The following MYO3B variants were observed in gnomAD, a reference collection of about 807,000 sequenced individuals.
MYO3B encodes myosin IIIB, also known as myosin-IIIb.
A neutral mutation model predicts 174.6 loss-of-function variants in MYO3B; 156 were observed. That is an observed-to-expected ratio of 0.89 (90% confidence interval 0.78 to 1.02). MYO3B has a LOEUF of 1.02. MYO3B is among the 50% of genes least tolerant of loss of function. The pLI, the probability that MYO3B is intolerant of heterozygous loss-of-function variation, is 0.00. For missense variants in MYO3B, 1,632 were observed against 1,639.4 expected (o/e 1.00, Z 0.08); for synonymous variants, 563 against 569.1 (o/e 0.99, Z 0.15).
At chr2:170,461,710 T>C (rs1430374270) in intron 23 of MYO3B, among the ~76,000 whole-genome samples, 1 of 146,964 alleles carries the variant, frequency 6.8e-6, no homozygotes, top group Non-Finnish European at 1.5e-5. Context: ...TGGCAGATGG[T>C]GGTTGTAGTG....
intron 7 of MYO3B, among the ~76,000 whole-genome samples, chr2:170,238,220 T>C (rs925574146): frequency 2.6e-5 from 4 of 152,216 alleles, no homozygotes; most frequent in African/African-American, 9.6e-5. Context: ...GTGCTAAAAA[T>C]GTATCCTTTC....
intron 7 of MYO3B, among the ~76,000 whole-genome samples, chr2:170,262,683 T>C (rs2093354327): frequency 6.6e-6 from 1 of 152,124 alleles, no homozygotes; most frequent in Non-Finnish European, 1.5e-5. Flanking sequence ...CCATGGACAA[T>C]GTGTGGAAGC....
At chr2:170,375,721 GCACA>G (rs60928016) in intron 9 of MYO3B, among the ~76,000 whole-genome samples, 1 of 148,710 alleles carries the variant, frequency 6.7e-6, no homozygotes, top group African/African-American at 2.5e-5. Flanking sequence ...GTGCATGCAT[GCACA>G]CACACACACA....
chr2:170,361,309 C>G (rs1222868014), intron 8 of MYO3B, among the ~76,000 whole-genome samples: 1 of 152,094 alleles, frequency 6.6e-6, no homozygotes, highest in Non-Finnish European at 1.5e-5. Context: ...TTATCTGTGC[C>G]CTGACTGTGT....
chr2:170,586,631 A>C (rs577501762), intron 32 of MYO3B, among the ~76,000 whole-genome samples: 4 of 152,106 alleles, frequency 2.6e-5, no homozygotes, highest in Non-Finnish European at 5.9e-5. Flanking sequence ...ATTATTTTTC[A>C]TTTTCTGTGA....
chr2:170,371,596 T>C (rs925095906), intron 9 of MYO3B, among the ~76,000 whole-genome samples: 5 of 151,830 alleles, frequency 3.3e-5, no homozygotes, highest in Admixed American at 6.6e-5. Flanking sequence ...GCTGGCTACA[T>C]AGATGTTTTT....
chr2:170,500,507 C>T (rs957168262), intron 27 of MYO3B, among the ~76,000 whole-genome samples: 2 of 152,176 alleles, frequency 1.3e-5, no homozygotes, highest in Non-Finnish European at 2.9e-5. Flanking sequence ...CAGAGAAAGC[C>T]CTTCCCTGCA....
Position 170,369,208 on chromosome 2 carries a change from G to GT in MYO3B, c.816-9dup. ...AGATTGTACTTTGGATTGTTTGTTG[G>GT]TTTTTGCAAACAGGTGTCTTATTAA... On this transcript the variant is annotated splice_polypyrimidine_tract_variant and intron_variant, in intron 8 of 34. Transcript: ENST00000408978. 6.2e-7 allele frequency: 1 copy of GT among 1,610,388 alleles called. No individual in the cohort carries two copies. The highest frequency in any genetic ancestry group is 8.5e-7 in the Non-Finnish European group (1 of 1,177,456).
chr2:170,514,667 T>A (rs1055321636), intron 28 of MYO3B, among the ~76,000 whole-genome samples: 1 of 152,224 alleles, frequency 6.6e-6, no homozygotes, highest in Non-Finnish European at 1.5e-5. Flanking sequence ...AATTACCCAA[T>A]GTCATCCAGC....
intron 23 of MYO3B, among the ~76,000 whole-genome samples, chr2:170,449,238 T>C (rs1683443173): frequency 6.6e-6 from 1 of 152,206 alleles, no homozygotes; most frequent in African/African-American, 2.4e-5. Flanking sequence ...TTTGATTATT[T>C]AAAGAAAGCA....
At chr2:170,548,106 CAAAAAAAAAAAAA>C (rs10532249) in intron 32 of MYO3B, among the ~76,000 whole-genome samples, 10 of 51,686 alleles carry the variant, frequency 1.9e-4, no homozygotes, top group East Asian at 7.6e-4. Context: ...GACTCCGTCT[CAAAAAAAAAAAAA>C]AAAAAAAAAA....
intron 32 of MYO3B, among the ~76,000 whole-genome samples, chr2:170,631,414 C>G (rs1696964841): frequency 6.6e-6 from 1 of 151,928 alleles, no homozygotes; most frequent in South Asian, 2.1e-4. Flanking sequence ...AAGACCAAAT[C>G]TACATCTGAT....
At chr2:170,618,284 T>C (rs769357447) in intron 32 of MYO3B, among the ~76,000 whole-genome samples, 1 of 152,056 alleles carries the variant, frequency 6.6e-6, no homozygotes, top group Non-Finnish European at 1.5e-5. Context: ...AAAAGGAATA[T>C]AGGCCCAATA....
At chr2:170,466,445 GT>G in intron 24 of MYO3B, 60 bp from the exon 25 acceptor site, 1 of 1,526,706 alleles carries the variant, frequency 6.6e-7, no homozygotes, top group Non-Finnish European at 9.0e-7. Context: ...GCGGGCCTGT[GT>G]TGTAACTATC....
chr2:170,385,684 G>A (rs2105748384), intron 12 of MYO3B, among the ~76,000 whole-genome samples: 1 of 152,272 alleles, frequency 6.6e-6, no homozygotes, highest in Non-Finnish European at 1.5e-5. Flanking sequence ...TGCAGAATAA[G>A]GCTGCACTGA....
intron 25 of MYO3B, among the ~76,000 whole-genome samples, chr2:170,482,213 C>A (rs909921682): frequency 2.0e-5 from 3 of 151,202 alleles, no homozygotes; most frequent in Non-Finnish European, 4.4e-5. Flanking sequence ...TGGAGTGCAG[C>A]GGAGCAATCT....
intron 7 of MYO3B, among the ~76,000 whole-genome samples, chr2:170,307,779 G>A (rs964265134): frequency 2.0e-5 from 3 of 152,184 alleles, no homozygotes; most frequent in African/African-American, 7.2e-5. Flanking sequence ...GGGCAGTCAG[G>A]CAGTCACATT....
chr2:170,434,473 C>A (rs1031957217), intron 22 of MYO3B, among the ~76,000 whole-genome samples: 1 of 152,102 alleles, frequency 6.6e-6, no homozygotes, highest in Non-Finnish European at 1.5e-5. Flanking sequence ...CGCACGTGGC[C>A]CCTGCTGCTG....
chr2:170,526,093 G>T (rs1688981720), intron 30 of MYO3B, among the ~76,000 whole-genome samples: 1 of 152,134 alleles, frequency 6.6e-6, no homozygotes, highest in African/African-American at 2.4e-5. Context: ...GTCTCATTTG[G>T]GTAGAAAAAT....
Sources: gnomAD v4.1 joint callset for allele counts (sites outside exome capture counted in the v4.1 genomes callset) on GRCh38, gnomAD v4.1.1 for gene constraint, MANE v1.5 for transcripts, NCBI Gene and HGNC (gene_info 2026-07-23, HGNC 2026-07-21) for gene names.